The following GJC2 variants were observed in gnomAD, a reference collection of about 807,000 sequenced individuals.
GJC2 encodes the protein gap junction protein gamma 2.
For missense variants in GJC2, 647 were observed against 648.9 expected (o/e 1.00, Z 0.03); for synonymous variants, 336 against 307.5 (o/e 1.09, Z -0.97).
rs1468113028 is a variant in GJC2 at position 228,155,290 on chromosome 1, C to T, written c.-19-2450C>T. ...AGAGCACACGAGGGGATATCTGGAG[C>T]CAGGCGTGGAATGGGGGCAGGGGAC... On this transcript the variant is annotated intron_variant, in intron 1 of 1. Coordinates refer to ENST00000366714, the MANE Select transcript of GJC2 (RefSeq NM_020435.4). Among the ~76,000 whole-genome samples, 6 of 152,298 alleles carry T rather than the reference C, an allele frequency of 3.9e-5. No homozygotes were observed. The East Asian group carries it at 1.2e-3, about 29-fold the overall frequency.
At chr1:228,153,876 C>G (rs998530892) in intron 1 of GJC2, among the ~76,000 whole-genome samples, 3 of 151,674 alleles carry the variant, frequency 2.0e-5, no homozygotes, top group African/African-American at 7.3e-5. Flanking sequence ...CCACCGTGCC[C>G]GGCTTAAGAC....
intron 1 of GJC2, among the ~76,000 whole-genome samples, chr1:228,156,270 G>A (rs557715588): frequency 7.9e-5 from 12 of 152,374 alleles, no homozygotes; most frequent in Admixed American, 6.5e-4. Flanking sequence ...TCATGCATGT[G>A]CATCTGCATG....
Position 228,158,925 on chromosome 1 carries a change from C to T in GJC2, c.1167C>T (p.Ala389=), listed in dbSNP as rs2034731764. The change falls in exon 2 of 2, where the codon GCC becomes GCT. Residue 389 remains alanine, a synonymous_variant. Coordinates refer to ENST00000366714, the MANE Select transcript of GJC2 (RefSeq NM_020435.4). This position sits in a 1 kb window ranked among gnomAD's most constrained non-coding sequence, Gnocchi z 8.3. ...CCCGGGGGCCCCCCAGAGCAGGCGC[C>T]CCCGCGTCCCGGACGGGCAGTGCTA... ...AASRGPPRAG[A]PASRTGSATS... is the part of the protein sequence containing the mutation. The T allele has an allele frequency of 6.6e-7, 1 of 1,516,904 alleles. No homozygotes were observed. The highest frequency in any genetic ancestry group is 2.1e-5 in the Admixed American group (1 of 47,528). The allele number at this position is 1,516,904 out of a possible 1,614,324, so 94.0% of individuals were successfully genotyped here.
Position 228,159,341 on chromosome 1 carries a change from G to T in GJC2, c.*263G>T. On this transcript the variant is annotated 3_prime_UTR_variant, in exon 2 of 2. Coordinates refer to ENST00000366714, the MANE Select transcript of GJC2 (RefSeq NM_020435.4). The surrounding 1 kb of genome is among the most constrained non-coding windows in gnomAD (Gnocchi z 4.0). The stretch of plus-strand genomic sequence containing the variant: ...CTGTGGTCTGAACCCCAGGGGGAGT[G>T]GGGCATTGACTCCACCCCTGTCCTG... The T allele has an allele frequency of 1.9e-6, 1 of 534,580 alleles. No homozygotes were observed. Among genetic ancestry groups the T allele is most frequent in the African/African-American group, 2.0e-5 (1 of 50,358 alleles). 33.1% of individuals were successfully genotyped at this position (534,580 alleles called of 1,614,324 possible).
At chr1:228,156,979 C>A (rs1388340117) in intron 1 of GJC2, among the ~76,000 whole-genome samples, 1 of 152,262 alleles carries the variant, frequency 6.6e-6, no homozygotes, top group Non-Finnish European at 1.5e-5. Context: ...CATCCTGACC[C>A]CAGCTAGAGA....
rs1303972896 is a variant in GJC2 at position 228,159,007 on chromosome 1, G to A, written c.1249G>A (p.Ala417Thr). 6.2e-7 allele frequency: 1 copy of A among 1,606,950 alleles called. No individual in the cohort carries two copies. The highest frequency in any genetic ancestry group is 1.7e-5 in the Admixed American group (1 of 59,858). Residue 417 changes from alanine (A) to threonine (T), a missense_variant, in exon 2 of 2, where the codon GCC (alanine) becomes ACC (threonine). Coordinates refer to ENST00000366714, the MANE Select transcript of GJC2 (RefSeq NM_020435.4). The surrounding 1 kb of genome is among the most constrained non-coding windows in gnomAD (Gnocchi z 4.0). ...GCCCGGCACCCACGAGCGGCCAGGAGCCAAGCCCAGGGCTGGCTCCGAGAA... is the reference window on the plus strand; with the variant it reads ...GCCCGGCACCCACGAGCGGCCAGGAACCAAGCCCAGGGCTGGCTCCGAGAA... ...GRPGTHERPG[A>T]KPRAGSEKGS...
chr1:228,157,752 C>A lies in GJC2; in HGVS notation c.-7C>A. ...CCCCGCCCCACAGGACCCGCCCGCC[C>A]GCCCCTATGACCAACATGAGCTGGA... On this transcript the variant is annotated 5_prime_UTR_variant, in exon 2 of 2. Transcript: ENST00000366714. 6.6e-5 allele frequency: 29 copies of A among 441,340 alleles called. No homozygotes were observed. The highest frequency in any genetic ancestry group is 1.1e-4 in the Non-Finnish European group (25 of 219,858). The allele number at this position is 441,340 out of a possible 1,614,324, so 27.3% of individuals were successfully genotyped here. A position where few individuals can be genotyped will look rare whatever the true frequency, so the allele number is the denominator to read the frequency against.
At position 228,158,601 on chromosome 1, in the gene GJC2, C is replaced by T. The variant is rs1282557468; in HGVS notation, c.843C>T (p.Leu281=). ...MYVVSCLCLL[L]NLCEMAHLGL... Reference sequence around the variant, plus strand: ...TGGTCAGCTGCCTGTGCCTGCTGCTCAACCTCTGTGAGATGGCCCACCTGG... The same window carrying T: ...TGGTCAGCTGCCTGTGCCTGCTGCTTAACCTCTGTGAGATGGCCCACCTGG... Residue 281 remains leucine (L), a synonymous_variant, in exon 2 of 2, where the codon CTC becomes CTT. Transcript: ENST00000366714. This position sits in a 1 kb window ranked among gnomAD's most constrained non-coding sequence, Gnocchi z 8.3. 6.2e-7 allele frequency: 1 copy of T among 1,611,352 alleles called. No homozygotes were observed. The highest frequency in any genetic ancestry group is 8.5e-7 in the Non-Finnish European group (1 of 1,179,056).
chr1:228,158,744 G>T lies in GJC2; in HGVS notation c.986G>T (p.Cys329Phe). The T allele has an allele frequency of 7.3e-7, 1 of 1,371,884 alleles. No individual in the cohort carries two copies. Among genetic ancestry groups the T allele is most frequent in the Non-Finnish European group, 9.4e-7 (1 of 1,060,288 alleles). 85.0% of individuals were successfully genotyped at this position (1,371,884 alleles called of 1,614,324 possible). A position where few individuals can be genotyped will look rare whatever the true frequency, so the allele number is the denominator to read the frequency against. Reference protein sequence around the residue: ...AFPAAAAGLACPPDYSLVVRA... With the variant: ...AFPAAAAGLAFPPDYSLVVRA... The stretch of plus-strand genomic sequence containing the variant: ...CCTGCGGCGGCCGCTGGCTTGGCCT[G>T]CCCGCCCGACTACAGCCTGGTGGTG... Residue 329 changes from cysteine (C) to phenylalanine (F), a missense_variant, in exon 2 of 2, where the codon TGC (cysteine) becomes TTC (phenylalanine). Transcript: ENST00000366714. The surrounding 1 kb of genome is among the most constrained non-coding windows in gnomAD (Gnocchi z 8.3).
chr1:228,157,738 A>AGGGGGGGGGGGGGGGGGGGGGGGGG lies in GJC2; in HGVS notation c.-19_-18insGGGGGGGGGGGGGGGGGGGGGGGGG. ...CTGGCTGACCCCTACCCCGCCCCAC[A>AGGGGGGGGGGGGGGGGGGGGGGGGG]GGACCCGCCCGCCCGCCCCTATGAC... is the stretch of plus-strand genomic sequence containing the variant. On this transcript the variant is annotated splice_acceptor_variant, in intron 1 of 1. Transcript: ENST00000366714. LOFTEE classifies it low-confidence loss of function (5UTR_SPLICE). The AGGGGGGGGGGGGGGGGGGGGGGGGG allele has an allele frequency of 2.7e-5, 18 of 660,966 alleles. 1 individual carries two copies. Among genetic ancestry groups the AGGGGGGGGGGGGGGGGGGGGGGGGG allele is most frequent in the Non-Finnish European group, 3.3e-5 (12 of 363,802 alleles). The allele number at this position is 660,966 out of a possible 1,614,324, so 40.9% of individuals were successfully genotyped here. A position where few individuals can be genotyped will look rare whatever the true frequency, so the allele number is the denominator to read the frequency against.
rs1470792472 is a variant in GJC2 at position 228,152,506 on chromosome 1, G to T, written c.-20+2499G>T. Among the ~76,000 whole-genome samples, 1 of 152,092 alleles carries T rather than the reference G, an allele frequency of 6.6e-6. No homozygotes were observed. The highest frequency in any genetic ancestry group is 1.5e-5 in the Non-Finnish European group (1 of 67,984). ...CACTGGTCAGAGCTGGCCCAGCCAG[G>T]TTTGCAGACAGGCAGCCTCAGCTTG... On this transcript the variant is annotated intron_variant, in intron 1 of 1. Coordinates refer to ENST00000366714, the MANE Select transcript of GJC2 (RefSeq NM_020435.4). This position sits in a 1 kb window ranked among gnomAD's most constrained non-coding sequence, Gnocchi z 7.3.
At chr1:228,155,964 C>A (rs1250863920) in intron 1 of GJC2, among the ~76,000 whole-genome samples, 1 of 152,250 alleles carries the variant, frequency 6.6e-6, no homozygotes, top group Non-Finnish European at 1.5e-5. Context: ...GGCCTCCTGC[C>A]CCATCTCTCC....
intron 1 of GJC2, among the ~76,000 whole-genome samples, chr1:228,154,278 ACTGT>A (rs2034655157): frequency 6.6e-6 from 1 of 152,018 alleles, no homozygotes. Flanking sequence ...GGGTGTCCTC[ACTGT>A]CTGGATGAAC....
At position 228,152,242 on chromosome 1, in the gene GJC2, G is replaced by A. The variant is rs1014835052; in HGVS notation, c.-20+2235G>A. ...GGGTCCCGCCTGGTGAACTGTGTGCGTGGGTGCCTGTCTGGTGGCTGCCCT... is the reference window on the plus strand; with the variant it reads ...GGGTCCCGCCTGGTGAACTGTGTGCATGGGTGCCTGTCTGGTGGCTGCCCT... On this transcript the variant is annotated intron_variant, in intron 1 of 1. Coordinates refer to ENST00000366714, the MANE Select transcript of GJC2 (RefSeq NM_020435.4). This position sits in a 1 kb window ranked among gnomAD's most constrained non-coding sequence, Gnocchi z 7.3. 4.6e-5 allele frequency among the ~76,000 whole-genome samples: 7 copies of A among 151,806 alleles called. No individual in the cohort carries two copies. The highest frequency in any genetic ancestry group is 7.3e-5 in the African/African-American group (3 of 41,078).
rs1421125739 is a variant in GJC2, at chr1:228,155,936, G to C, written c.-19-1804G>C. On this transcript the variant is annotated intron_variant, in intron 1 of 1. Transcript: ENST00000366714. ...ATATTGCCCCCACACAGCTGGGCAG[G>C]CTGGCCCTGGCACTGAAGGCCTCCT... is the stretch of plus-strand genomic sequence containing the variant. Among the ~76,000 whole-genome samples the C allele has an allele frequency of 2.0e-5, 3 of 152,240 alleles. No homozygotes were observed. In the East Asian group the frequency reaches 5.8e-4, roughly 29 times the overall value.
At position 228,157,738 on chromosome 1, in the gene GJC2, A is replaced by AGGGGGGGGGGGGGGGGGGGGG; in HGVS notation, c.-19_-18insGGGGGGGGGGGGGGGGGGGGG. The AGGGGGGGGGGGGGGGGGGGGG allele has an allele frequency of 2.4e-5, 16 of 660,964 alleles. 2 individuals are homozygous for AGGGGGGGGGGGGGGGGGGGGG. The highest frequency in any genetic ancestry group is 3.8e-5 in the Non-Finnish European group (14 of 363,804). The allele number at this position is 660,964 out of a possible 1,614,324, so 40.9% of individuals were successfully genotyped here. A position where few individuals can be genotyped will look rare whatever the true frequency, so the allele number is the denominator to read the frequency against. ...CTGGCTGACCCCTACCCCGCCCCAC[A>AGGGGGGGGGGGGGGGGGGGGG]GGACCCGCCCGCCCGCCCCTATGAC... is the stretch of plus-strand genomic sequence containing the variant. On this transcript the variant is annotated splice_acceptor_variant, in intron 1 of 1. Transcript: ENST00000366714. LOFTEE classifies it low-confidence loss of function (5UTR_SPLICE).
rs1381586922 is a variant in GJC2 at position 228,159,014 on chromosome 1, C to T, written c.1256C>T (p.Pro419Leu). 30 of 1,607,310 alleles carry T rather than the reference C, an allele frequency of 1.9e-5. No homozygotes were observed. The highest frequency in any genetic ancestry group is 2.5e-5 in the Non-Finnish European group (30 of 1,178,208). The change falls in exon 2 of 2, where the codon CCC becomes CTC. Residue 419 changes from proline (P) to leucine (L), a missense_variant. Coordinates refer to ENST00000366714, the MANE Select transcript of GJC2 (RefSeq NM_020435.4). This position sits in a 1 kb window ranked among gnomAD's most constrained non-coding sequence, Gnocchi z 4.0. ...PGTHERPGAK[P>L]RAGSEKGSAS... ...ACCCACGAGCGGCCAGGAGCCAAGC[C>T]CAGGGCTGGCTCCGAGAAGGGCAGT...
intron 1 of GJC2, among the ~76,000 whole-genome samples, chr1:228,154,140 G>A (rs1304456918): frequency 6.6e-6 from 1 of 152,148 alleles, no homozygotes; most frequent in Admixed American, 6.5e-5. Context: ...GGTCCTTGCT[G>A]TATGCAGATG....
intron 1 of GJC2, among the ~76,000 whole-genome samples, chr1:228,155,238 G>C (rs1012444392): frequency 1.3e-5 from 2 of 152,216 alleles, no homozygotes; most frequent in African/African-American, 4.8e-5. Context: ...GTGGGAGTGG[G>C]CTCCAGCCAG....
Sources: gnomAD v4.1 joint callset for allele counts (sites outside exome capture counted in the v4.1 genomes callset) on GRCh38, gnomAD v4.1.1 for gene constraint, Gnocchi (gnomAD v3.1) non-coding constraint, MANE v1.5 for transcripts, NCBI Gene and HGNC (gene_info 2026-07-23, HGNC 2026-07-21) for gene names.